Variants in DEFB126 observed in about 807,000 individuals in gnomAD.
DEFB126 encodes the protein beta-defensin 126.
Under a neutral mutation model 2.5 loss-of-function variants are expected in DEFB126, and 2 were observed. The observed-to-expected ratio is 0.79, with a 90% CI of 0.32 to 2.49. DEFB126 has a LOEUF of 2.49. DEFB126 is among the 30% of genes most tolerant of loss of function. The pLI, the probability that DEFB126 is intolerant of heterozygous loss-of-function variation, is 0.11. For synonymous variants in DEFB126, 51 were observed against 45.4 expected, an observed-to-expected ratio of 1.12 and a Z score of -0.50; for missense variants, 136 against 135.4, an observed-to-expected ratio of 1.00 and a Z score of -0.02.
In DEFB126 at chr20:142,617, C is replaced by T; in HGVS notation, c.-12C>T. ...AGAGACTTCTGGACTCTATAGAACC[C>T]ACTGCCTCCTGATGAAGTCCCTACT... On this transcript the variant is annotated 5_prime_UTR_variant, in exon 1 of 2. Transcript: ENST00000382398. 1 of 1,613,696 alleles carries T rather than the reference C, an allele frequency of 6.2e-7. No homozygotes were observed. Among genetic ancestry groups the T allele is most frequent in the Middle Eastern group, 1.6e-4 (1 of 6,062 alleles).
chr20:142,672 C>G lies in DEFB126; in HGVS notation c.44C>G (p.Ala15Gly). The change falls in exon 1 of 2, where the codon GCC (alanine) becomes GGC (glycine). Residue 15 changes from alanine to glycine, a missense_variant. By Grantham distance (60) the Ala-to-Gly change is moderately conservative. Coordinates refer to ENST00000382398, the MANE Select transcript of DEFB126 (RefSeq NM_030931.4). ...ACCCTTGCAGTTTTTATGCTCCTGG[C>G]CCAATTGGTCTCAGGTAAACAGAAT... ...LFTLAVFMLL[A>G]QLVSGNWYVK... is the part of the protein sequence containing the mutation. 6.2e-7 allele frequency: 1 copy of G among 1,613,778 alleles called. No individual in the cohort carries two copies. Among genetic ancestry groups the G allele is most frequent in the Non-Finnish European group, 8.5e-7 (1 of 1,179,720 alleles).
Position 145,547 on chromosome 20 carries a change from G to A in DEFB126, c.191G>A (p.Arg64Lys), listed in dbSNP as rs1482633102. 2 of 1,613,976 alleles carry A rather than the reference G, an allele frequency of 1.2e-6. No homozygotes were observed. Among genetic ancestry groups the A allele is most frequent in the African/African-American group, 2.7e-5 (2 of 74,920 alleles). The change falls in exon 2 of 2, where the codon AGA becomes AAA. Residue 64 changes from arginine to lysine, a missense_variant. Transcript: ENST00000382398. The stretch of plus-strand genomic sequence containing the variant: ...AGGGACTGCTGTGTTCCAGCTGACA[G>A]ACGTGCTAATTATCCTGTTTTCTGT... ...KQRDCCVPAD[R>K]RANYPVFCVQ...
rs139969869 is a variant in DEFB126 at position 143,010 on chromosome 20, G to GTT, written c.58+331_58+332dup. Among the ~76,000 whole-genome samples the GTT allele has an allele frequency of 4.0e-5, 6 of 151,416 alleles. No homozygotes were observed. The East Asian group carries it at 5.8e-4, about 15-fold the overall frequency. ...TCAAGCCCTGCCTCATTTCACTTTTGTTTTTTTTGCTGCCGATATTCCCTC... is the reference window on the plus strand; with the variant it reads ...TCAAGCCCTGCCTCATTTCACTTTTGTTTTTTTTTTGCTGCCGATATTCCCTC... On this transcript the variant is annotated intron_variant, in intron 1 of 1. Coordinates refer to ENST00000382398, the MANE Select transcript of DEFB126 (RefSeq NM_030931.4).
Position 142,691 on chromosome 20 carries a change from A to C in DEFB126, c.58+5A>C, listed in dbSNP as rs2054653043. The C allele has an allele frequency of 3.7e-6, 6 of 1,613,490 alleles. No homozygotes were observed. Among genetic ancestry groups the C allele is most frequent in the Non-Finnish European group, 5.1e-6 (6 of 1,179,590 alleles). ...TCCTGGCCCAATTGGTCTCAGGTAA[A>C]CAGAATCTTGGGGAAGAAGAAACAC... is the stretch of plus-strand genomic sequence containing the variant. On this transcript the variant is annotated splice_donor_5th_base_variant and intron_variant, in intron 1 of 1. Coordinates refer to ENST00000382398, the MANE Select transcript of DEFB126 (RefSeq NM_030931.4).
intron 1 of DEFB126, among the ~76,000 whole-genome samples, chr20:144,483 C>A (rs2123017271): frequency 6.6e-6 from 1 of 152,092 alleles, no homozygotes; most frequent in Non-Finnish European, 1.5e-5. Context: ...CTTTCTCCCC[C>A]TCTCCAATGT....
At chr20:142,772 A>T (rs1322477535) in intron 1 of DEFB126, 86 bp downstream of exon 1, 12 of 1,426,950 alleles carry the variant, frequency 8.4e-6, no homozygotes, top group Middle Eastern at 1.9e-4. Context: ...GTCTGTGGAA[A>T]TGGGGTCTGG....
intron 1 of DEFB126, among the ~76,000 whole-genome samples, chr20:144,899 G>T (rs2054661256): frequency 6.6e-6 from 1 of 152,098 alleles, no homozygotes; most frequent in South Asian, 2.1e-4. Flanking sequence ...TAAGCCTAGA[G>T]TTATCTTCTA....
chr20:145,598 C>CAAAAGT lies in DEFB126; in HGVS notation c.244_245insAAGTAA (p.Ser81_Thr82insLysVal). ...GTCCAGACAAAGACTACAAGAATTTCAACAGTAACAGCAACAACAGCAACA... is the reference window on the plus strand; with the variant it reads ...GTCCAGACAAAGACTACAAGAATTTCAAAAGTAACAGTAACAGCAACAACAGCAACA... On this transcript the variant is annotated inframe_insertion, in exon 2 of 2. Coordinates refer to ENST00000382398, the MANE Select transcript of DEFB126 (RefSeq NM_030931.4). 1 of 1,613,944 alleles carries CAAAAGT rather than the reference C, an allele frequency of 6.2e-7. No homozygotes were observed. Among genetic ancestry groups the CAAAAGT allele is most frequent in the Non-Finnish European group, 8.5e-7 (1 of 1,179,916 alleles).
intron 1 of DEFB126, among the ~76,000 whole-genome samples, chr20:142,922 C>T (rs914417850): frequency 7.9e-5 from 12 of 152,142 alleles, no homozygotes; most frequent in African/African-American, 2.9e-4. Flanking sequence ...ATACAGTTGC[C>T]TCCAAAGGTA....
intron 1 of DEFB126, among the ~76,000 whole-genome samples, chr20:143,982 T>C (rs970583827): frequency 3.3e-5 from 5 of 152,164 alleles, no homozygotes; most frequent in Non-Finnish European, 4.4e-5. Context: ...TAATATTCTT[T>C]AGTATAATTT....
At chr20:145,378 A>G in intron 1 of DEFB126, 37 bp from the exon 2 acceptor site, 1 of 1,588,564 alleles carries the variant, frequency 6.3e-7, no homozygotes, top group Non-Finnish European at 8.6e-7. Flanking sequence ...TGTGATAAAT[A>G]CTTAGGCTTA....
At chr20:142,804 G>A (rs1478792689) in intron 1 of DEFB126, 118 bp downstream of exon 1, 3 of 1,069,954 alleles carry the variant, frequency 2.8e-6, no homozygotes, top group Middle Eastern at 2.6e-4. Context: ...GAGCAGGGCT[G>A]AGATTTGTCC....
chr20:144,650 G>GT (rs1205511595), intron 1 of DEFB126, among the ~76,000 whole-genome samples: 1 of 152,070 alleles, frequency 6.6e-6, no homozygotes, highest in African/African-American at 2.4e-5. Flanking sequence ...GGGCCTCTAT[G>GT]TGTTAAACCA....
intron 1 of DEFB126, among the ~76,000 whole-genome samples, chr20:144,087 G>A (rs2054658212): frequency 6.6e-6 from 1 of 152,106 alleles, no homozygotes; most frequent in Non-Finnish European, 1.5e-5. Flanking sequence ...TAGTGGATAA[G>A]AGGAAATTAT....
In DEFB126 at chr20:145,543, G is replaced by A. The variant is rs529675144; in HGVS notation, c.187G>A (p.Asp63Asn). 367 of 1,614,098 alleles carry A rather than the reference G, an allele frequency of 2.3e-4. 3 individuals are homozygous for A. In the South Asian group the frequency reaches 3.7e-3, roughly 16 times the overall value. Residue 63 changes from aspartate to asparagine, a missense_variant, in exon 2 of 2, where the codon GAC becomes AAC. Asp to Asn is a conservative substitution (Grantham distance 23). Transcript: ENST00000382398. ...GKQRDCCVPA[D>N]RRANYPVFCV... ...ACAAAGGGACTGCTGTGTTCCAGCT[G>A]ACAGACGTGCTAATTATCCTGTTTT...
intron 1 of DEFB126, among the ~76,000 whole-genome samples, chr20:144,898 A>G (rs2054661246): frequency 6.6e-6 from 1 of 152,156 alleles, no homozygotes. Flanking sequence ...ATAAGCCTAG[A>G]GTTATCTTCT....
At chr20:143,481 T>C (rs1252008496) in intron 1 of DEFB126, among the ~76,000 whole-genome samples, 2 of 152,170 alleles carry the variant, frequency 1.3e-5, no homozygotes, top group African/African-American at 4.8e-5. Flanking sequence ...TTGCAGTAGA[T>C]GCTTATAATT....
rs1159176764 is a variant in DEFB126, at chr20:142,667, C to T, written c.39C>T (p.Leu13=). 8 of 1,613,702 alleles carry T rather than the reference C, an allele frequency of 5.0e-6. No homozygotes were observed. The highest frequency in any genetic ancestry group is 2.7e-5 in the African/African-American group (2 of 74,898). ...TGTTCACCCTTGCAGTTTTTATGCT[C>T]CTGGCCCAATTGGTCTCAGGTAAAC... ...SLLFTLAVFM[L]LAQLVSGNWY... Residue 13 remains leucine, a synonymous_variant, in exon 1 of 2, where the codon CTC becomes CTT. Transcript: ENST00000382398.
intron 1 of DEFB126, among the ~76,000 whole-genome samples, chr20:144,212 G>A (rs1290397004): frequency 6.6e-6 from 1 of 151,890 alleles, no homozygotes; most frequent in Non-Finnish European, 1.5e-5. Flanking sequence ...GACATACATC[G>A]ACATACATCA....
Sources: allele counts gnomAD v4.1 joint callset (sites outside exome capture counted in the v4.1 genomes callset), GRCh38; gene constraint gnomAD v4.1.1; transcripts MANE v1.5; gene names NCBI Gene and HGNC (gene_info 2026-07-23, HGNC 2026-07-21).